Variants in CWH43 observed in about 807,000 individuals in gnomAD.
CWH43 encodes cell wall biogenesis 43 C-terminal homolog, also known as PGAP2-interacting protein.
In CWH43, 91 loss-of-function variants were observed where a neutral mutation model predicts 85.7. The ratio of observed to expected loss-of-function variants is 1.06; its 90% CI spans 0.90 to 1.26. The LOEUF (loss-of-function observed/expected upper bound fraction) is 1.26, where lower values mean the gene tolerates loss of function less well. Among genes scored for constraint, CWH43 ranks in the 50% most tolerant of loss-of-function variants. CWH43 has a pLI of 0.00. For synonymous variants in CWH43, 323 were observed against 293.6 expected, an observed-to-expected ratio of 1.10 and a Z score of -1.02; for missense variants, 869 against 839.2, an observed-to-expected ratio of 1.04 and a Z score of -0.44.
intron 15 of CWH43, among the ~76,000 whole-genome samples, chr4:49,055,957 C>T (rs1029144893): frequency 3.4e-5 from 5 of 147,176 alleles, no homozygotes; most frequent in African/African-American, 1.0e-4. Flanking sequence ...GGTACATGTG[C>T]ACATTGTGCA....
At chr4:49,011,841 C>T (rs544915608) in intron 8 of CWH43, among the ~76,000 whole-genome samples, 28 of 152,246 alleles carry the variant, frequency 1.8e-4, no homozygotes, top group African/African-American at 4.6e-4. Flanking sequence ...ACAAAAGATC[C>T]GCTGTTAGTC....
Position 48,991,591 on chromosome 4 carries a change from A to G in CWH43, c.356+17A>G, listed in dbSNP as rs1004856239. On this transcript the variant is annotated intron_variant, in intron 3 of 15. Transcript: ENST00000226432. ...TTTGCAAAGGTATGGTTAATGTTTC[A>G]TGTACTTATAGACAAACAAGTATAA... is the stretch of plus-strand genomic sequence containing the variant. The G allele has an allele frequency of 1.9e-6, 3 of 1,613,282 alleles. No individual in the cohort carries two copies. Among genetic ancestry groups the G allele is most frequent in the African/African-American group, 2.7e-5 (2 of 75,034 alleles).
chr4:49,007,652 T>A (rs1328384549), intron 8 of CWH43, among the ~76,000 whole-genome samples: 2 of 142,622 alleles, frequency 1.4e-5, no homozygotes, highest in Non-Finnish European at 3.1e-5. Flanking sequence ...CAGGCCCCAG[T>A]GTGTGATGTT....
chr4:49,056,977 T>C (rs1784985240), intron 15 of CWH43, among the ~76,000 whole-genome samples: 1 of 152,216 alleles, frequency 6.6e-6, no homozygotes, highest in African/African-American at 2.4e-5. Context: ...CTCTTATTAA[T>C]TTATAATTTA....
At chr4:48,995,384 CCT>C (rs1207276650) in intron 5 of CWH43, among the ~76,000 whole-genome samples, 2 of 152,162 alleles carry the variant, frequency 1.3e-5, no homozygotes, top group Admixed American at 6.6e-5. Flanking sequence ...TGTGTTTGGT[CCT>C]TTTTAACTCT....
intron 14 of CWH43, among the ~76,000 whole-genome samples, chr4:49,047,081 G>A (rs1217301506): frequency 1.3e-5 from 2 of 152,130 alleles, no homozygotes; most frequent in East Asian, 1.9e-4. Flanking sequence ...GATAGGGGCC[G>A]ACGTTAATGG....
chr4:49,026,136 C>A (rs568978818), intron 9 of CWH43, among the ~76,000 whole-genome samples: 1 of 152,082 alleles, frequency 6.6e-6, no homozygotes, highest in Non-Finnish European at 1.5e-5. Flanking sequence ...GGGAGAAAGC[C>A]GGCAGCCACA....
At chr4:49,053,897 C>T (rs1444896140) in intron 15 of CWH43, among the ~76,000 whole-genome samples, 1 of 152,048 alleles carries the variant, frequency 6.6e-6, no homozygotes, top group Non-Finnish European at 1.5e-5. Context: ...CTTCTGGTCC[C>T]AGTGATTTTG....
At chr4:49,021,278 T>C (rs1337351629) in intron 9 of CWH43, among the ~76,000 whole-genome samples, 1 of 152,152 alleles carries the variant, frequency 6.6e-6, no homozygotes, top group Non-Finnish European at 1.5e-5. Flanking sequence ...ATGTGGCTTG[T>C]CAATTATCTT....
intron 10 of CWH43, among the ~76,000 whole-genome samples, chr4:49,030,500 C>G (rs1366064575): frequency 6.6e-6 from 1 of 152,132 alleles, no homozygotes; most frequent in African/African-American, 2.4e-5. Context: ...GCACCATTCT[C>G]TTGTTTCTGA....
chr4:49,047,595 G>A (rs189236818), intron 14 of CWH43, among the ~76,000 whole-genome samples: 1 of 152,244 alleles, frequency 6.6e-6, no homozygotes, highest in Admixed American at 6.5e-5. Context: ...CCTGGTAGAG[G>A]GCTGAGCTAG....
At chr4:49,008,825 T>C (rs1458475005) in intron 8 of CWH43, among the ~76,000 whole-genome samples, 1 of 152,216 alleles carries the variant, frequency 6.6e-6, no homozygotes, top group African/African-American at 2.4e-5. Context: ...TTCTGTTCAA[T>C]TGGTCTATAT....
intron 15 of CWH43, among the ~76,000 whole-genome samples, chr4:49,058,204 T>A (rs1473699711): frequency 6.6e-6 from 1 of 152,120 alleles, no homozygotes; most frequent in African/African-American, 2.4e-5. Context: ...ATTTGATGAG[T>A]TTTTTGGTAA....
intron 6 of CWH43, among the ~76,000 whole-genome samples, chr4:48,998,755 G>T (rs1344823111): frequency 6.6e-6 from 1 of 152,008 alleles, no homozygotes; most frequent in Admixed American, 6.6e-5. Flanking sequence ...TCCTACCTCC[G>T]CCTCCCCCTC....
chr4:49,010,356 T>G (rs1783314885), intron 8 of CWH43, among the ~76,000 whole-genome samples: 2 of 152,186 alleles, frequency 1.3e-5, no homozygotes, highest in Admixed American at 1.3e-4. Context: ...TCTATTTGAT[T>G]CTTCTCTCTT....
intron 8 of CWH43, among the ~76,000 whole-genome samples, chr4:49,011,622 G>A (rs1269920225): frequency 6.6e-6 from 1 of 152,134 alleles, no homozygotes; most frequent in African/African-American, 2.4e-5. Flanking sequence ...GCAGGTACCG[G>A]TTGTTCCTGT....
intron 8 of CWH43, among the ~76,000 whole-genome samples, chr4:49,013,526 G>T (rs1384548659): frequency 6.6e-6 from 1 of 152,208 alleles, no homozygotes; most frequent in African/African-American, 2.4e-5. Flanking sequence ...CCAATGAGAT[G>T]AACCAGGTAC....
At chr4:49,030,732 A>C (rs1784068042) in intron 10 of CWH43, 93 bp from the exon 11 acceptor site, 1 of 1,263,126 alleles carries the variant, frequency 7.9e-7, no homozygotes, top group African/African-American at 1.5e-5. Context: ...TCAGTAAAGA[A>C]AAAAAGGTTA....
intron 8 of CWH43, among the ~76,000 whole-genome samples, chr4:49,008,912 G>C (rs1217248080): frequency 6.6e-6 from 1 of 152,194 alleles, no homozygotes; most frequent in Non-Finnish European, 1.5e-5. Context: ...GTAGCCTGAT[G>C]CCTCCAGCTT....
Sources: allele counts gnomAD v4.1 joint callset (sites outside exome capture counted in the v4.1 genomes callset), GRCh38; gene constraint gnomAD v4.1.1; transcripts MANE v1.5; gene names NCBI Gene and HGNC (gene_info 2026-07-23, HGNC 2026-07-21).